PTPRD: variants seen among roughly 807,000 people sequenced by gnomAD.
PTPRD encodes the protein protein tyrosine phosphatase receptor type D.
PTPRD carries 34 observed loss-of-function variants against 214.5 expected under a neutral mutation model. The ratio of observed to expected loss-of-function variants is 0.16; its 90% CI spans 0.12 to 0.21. The LOEUF is 0.21. Ranked by LOEUF, PTPRD falls within the 10% of genes least tolerant of loss-of-function variation. The pLI, the probability that PTPRD is intolerant of heterozygous loss-of-function variation, is 1.00. For missense variants in PTPRD, 2,545 were observed against 2,398.7 expected, an observed-to-expected ratio of 1.06 and a Z score of -1.27; for synonymous variants, 1,128 against 845.7, an observed-to-expected ratio of 1.33 and a Z score of -5.79.
intron 4 of PTPRD, among the ~76,000 whole-genome samples, chr9:9,992,082 C>A (rs2095956057): frequency 6.6e-6 from 1 of 152,264 alleles, no homozygotes; most frequent in Non-Finnish European, 1.5e-5. Flanking sequence ...ATTGTCTAGA[C>A]CTGGAGGCTG....
chr9:10,374,360 A>C (rs2097687625), intron 2 of PTPRD, among the ~76,000 whole-genome samples: 1 of 152,068 alleles, frequency 6.6e-6, no homozygotes, highest in Non-Finnish European at 1.5e-5. Context: ...ATGTGCATAT[A>C]AATATTTGGC....
intron 27 of PTPRD, among the ~76,000 whole-genome samples, chr9:8,488,252 C>A (rs2097075360): frequency 6.6e-6 from 1 of 152,154 alleles, no homozygotes; most frequent in Non-Finnish European, 1.5e-5. Context: ...GTGCTCTGCT[C>A]TAAGAAATAT....
At chr9:10,329,214 A>G (rs769515880) in intron 3 of PTPRD, among the ~76,000 whole-genome samples, 1 of 150,570 alleles carries the variant, frequency 6.6e-6, no homozygotes, top group South Asian at 2.1e-4. Flanking sequence ...TGTGCAATTT[A>G]TATCATTTGA....
rs201745574 is a variant in PTPRD, at chr9:8,436,669, T to C, written c.4009A>G (p.Ile1337Val). 2.5e-6 allele frequency: 4 copies of C among 1,613,300 alleles called. No homozygotes were observed. Among genetic ancestry groups the C allele is most frequent in the African/African-American group, 2.7e-5 (2 of 75,016 alleles). The change falls in exon 35 of 46, where the codon ATA (isoleucine) becomes GTA (valine). Residue 1337 changes from isoleucine (I) to valine (V), a missense_variant. Physicochemically the swap from Ile to Val is conservative, Grantham distance 29. Coordinates refer to ENST00000381196, the MANE Select transcript of PTPRD (RefSeq NM_002839.4). ...TGGTCTGCAAGTTCCAAGATGGGTA[T>C]TGGAGGATGGCTAGCCATACCTATT... Reference protein sequence around the residue: ...QTPGMASHPPIPILELADHIE... With the variant: ...QTPGMASHPPVPILELADHIE...
At chr9:9,487,032 G>C (rs1010656639) in intron 8 of PTPRD, among the ~76,000 whole-genome samples, 2 of 152,068 alleles carry the variant, frequency 1.3e-5, no homozygotes, top group African/African-American at 4.8e-5. Context: ...TAATAAAATA[G>C]AGCAAACCAG....
At chr9:8,484,464 A>G (rs2135805002) in intron 29 of PTPRD, 86 bp from the exon 30 acceptor site, 1 of 1,327,052 alleles carries the variant, frequency 7.5e-7, no homozygotes, top group Non-Finnish European at 1.0e-6. Context: ...TAGCTTTTGG[A>G]AAATGTATAT....
At chr9:9,542,415 G>GCT in intron 8 of PTPRD, among the ~76,000 whole-genome samples, 1 of 151,566 alleles carries the variant, frequency 6.6e-6, no homozygotes, top group African/African-American at 2.4e-5. Flanking sequence ...GGACACAAAA[G>GCT]CTCTTACCTT....
chr9:10,195,501 G>C lies in PTPRD; in HGVS notation c.-545+145462C>G, dbSNP rs1309191303. ...CATGTACCAGTTTCTGGGAGCCAAG[G>C]TCTTTCACATCAGACTATTCTCAGA... On this transcript the variant is annotated intron_variant, in intron 3 of 45. Coordinates refer to ENST00000381196, the MANE Select transcript of PTPRD (RefSeq NM_002839.4). Among the ~76,000 whole-genome samples the C allele has an allele frequency of 2.6e-5, 4 of 152,172 alleles. No individual in the cohort carries two copies. In the East Asian group the frequency reaches 7.8e-4, roughly 30 times the overall value.
chr9:9,846,155 C>A (rs564566101), intron 5 of PTPRD, among the ~76,000 whole-genome samples: 1 of 152,166 alleles, frequency 6.6e-6, no homozygotes, highest in African/African-American at 2.4e-5. Context: ...CCTCCCCAAG[C>A]AAGATATTTT....
chr9:9,801,345 A>G (rs1296567683), intron 5 of PTPRD, among the ~76,000 whole-genome samples: 1 of 152,112 alleles, frequency 6.6e-6, no homozygotes, highest in African/African-American at 2.4e-5. Context: ...ATTAAAAAAA[A>G]AAAAGTAACT....
At chr9:10,129,933 GT>G (rs980849097) in intron 3 of PTPRD, among the ~76,000 whole-genome samples, 45 of 115,970 alleles carry the variant, frequency 3.9e-4, no homozygotes, top group African/African-American at 1.2e-3. Context: ...ATAACCAAAT[GT>G]TTTTTTTTAA....
At chr9:8,501,845 C>A (rs907810734) in intron 23 of PTPRD, among the ~76,000 whole-genome samples, 2 of 152,160 alleles carry the variant, frequency 1.3e-5, no homozygotes, top group Non-Finnish European at 2.9e-5. Context: ...TTAATTATAA[C>A]TCTTCTTGAG....
At chr9:9,811,482 C>T (rs775780281) in intron 5 of PTPRD, among the ~76,000 whole-genome samples, 61 of 152,104 alleles carry the variant, frequency 4.0e-4, no homozygotes, top group Non-Finnish European at 7.4e-4. Flanking sequence ...CCGAGGTGGG[C>T]GGATCATGAG....
chr9:8,396,629 A>T (rs928837349), intron 36 of PTPRD, among the ~76,000 whole-genome samples: 2 of 152,206 alleles, frequency 1.3e-5, no homozygotes, highest in Non-Finnish European at 2.9e-5. Context: ...GAGTAAAGCA[A>T]AAAACAACAC....
At chr9:8,621,129 C>A (rs1327262211) in intron 14 of PTPRD, among the ~76,000 whole-genome samples, 1 of 151,892 alleles carries the variant, frequency 6.6e-6, no homozygotes, top group African/African-American at 2.4e-5. Flanking sequence ...TCCAAAGATT[C>A]CTCAACTGCA....
chr9:10,145,093 TAC>T (rs2099013338), intron 3 of PTPRD, among the ~76,000 whole-genome samples: 1 of 152,120 alleles, frequency 6.6e-6, no homozygotes, highest in Non-Finnish European at 1.5e-5. Flanking sequence ...CGAAAATATC[TAC>T]AGAGTTACCC....
At chr9:10,609,681 C>T (rs1240874633) in intron 2 of PTPRD, among the ~76,000 whole-genome samples, 1 of 152,060 alleles carries the variant, frequency 6.6e-6, no homozygotes, top group African/African-American at 2.4e-5. Context: ...TCATGGCATT[C>T]CATAAAGAAT....
At chr9:8,501,454 G>A (rs1396162757) in intron 23 of PTPRD, among the ~76,000 whole-genome samples, 1 of 152,066 alleles carries the variant, frequency 6.6e-6, no homozygotes, top group Non-Finnish European at 1.5e-5. Flanking sequence ...TTTACTTGAG[G>A]GTCTGATGAT....
At chr9:10,430,313 G>T (rs886657598) in intron 2 of PTPRD, among the ~76,000 whole-genome samples, 5 of 151,748 alleles carry the variant, frequency 3.3e-5, no homozygotes, top group African/African-American at 4.8e-5. Flanking sequence ...TTTAAAAAAA[G>T]AAATTAAAAC....
Sources: gnomAD v4.1 joint callset for allele counts (sites outside exome capture counted in the v4.1 genomes callset) on GRCh38, gnomAD v4.1.1 for gene constraint, MANE v1.5 for transcripts, NCBI Gene and HGNC (gene_info 2026-07-23, HGNC 2026-07-21) for gene names.